Variants in ATXN2 observed in about 807,000 individuals in gnomAD.
ATXN2 encodes the protein ataxin 2.
Under a neutral mutation model 138.6 loss-of-function variants are expected in ATXN2, and 37 were observed. The ratio of observed to expected loss-of-function variants is 0.27; its 90% confidence interval spans 0.21 to 0.35. The LOEUF is 0.35. Ranked by LOEUF, ATXN2 falls within the 10% of genes least tolerant of loss-of-function variation. ATXN2 has a pLI of 1.00. For missense variants in ATXN2, 1,216 were observed against 1,480.3 expected (o/e 0.82, Z 2.93); for synonymous variants, 549 against 543.7 (o/e 1.01, Z -0.13).
At chr12:111,546,819 T>C (rs1266391206) in intron 5 of ATXN2, among the ~76,000 whole-genome samples, 1 of 152,192 alleles carries the variant, frequency 6.6e-6, no homozygotes, top group Non-Finnish European at 1.5e-5. Flanking sequence ...CTGTCTGCAC[T>C]GGAATTCAAA....
intron 3 of ATXN2, 139 bp downstream of exon 3, chr12:111,554,019 A>C: frequency 1.6e-6 from 1 of 629,318 alleles, no homozygotes; most frequent in Non-Finnish European, 2.6e-6. Flanking sequence ...AAGGAGTTCT[A>C]ATCTATTTCT....
chr12:111,462,953 T>TACACAC (rs1489574519), intron 21 of ATXN2, among the ~76,000 whole-genome samples: 5 of 140,248 alleles, frequency 3.6e-5, no homozygotes, highest in Admixed American at 3.5e-4. Context: ...AAATTATATA[T>TACACAC]ACACACATAC....
At chr12:111,545,962 G>GAAA (rs56313374) in intron 5 of ATXN2, among the ~76,000 whole-genome samples, 8 of 94,856 alleles carry the variant, frequency 8.4e-5, no homozygotes, top group East Asian at 2.5e-4. Context: ...AAGATCATCT[G>GAAA]AAAAAAAAAA....
At chr12:111,490,117 G>A (rs1353140477) in intron 14 of ATXN2, among the ~76,000 whole-genome samples, 1 of 150,318 alleles carries the variant, frequency 6.7e-6, no homozygotes, top group African/African-American at 2.5e-5. Context: ...TGACATATGA[G>A]AATTGCTTGA....
intron 7 of ATXN2, 59 bp downstream of exon 7, chr12:111,520,823 T>G: frequency 1.1e-6 from 1 of 950,786 alleles, no homozygotes; most frequent in Non-Finnish European, 1.6e-6. Context: ...CATCATAAAT[T>G]AAGCTGATGA....
At chr12:111,575,500 C>A (rs1299539539) in intron 1 of ATXN2, among the ~76,000 whole-genome samples, 3 of 152,030 alleles carry the variant, frequency 2.0e-5, no homozygotes, top group African/African-American at 7.2e-5. Flanking sequence ...TTTTCCTCTT[C>A]ATCTAAAAGA....
At chr12:111,575,752 T>G (rs1420479565) in intron 1 of ATXN2, among the ~76,000 whole-genome samples, 1 of 152,126 alleles carries the variant, frequency 6.6e-6, no homozygotes, top group African/African-American at 2.4e-5. Flanking sequence ...ATGCCATGCT[T>G]TCTACATGAC....
intron 23 of ATXN2, chr12:111,455,689 G>C: frequency 2.7e-6 from 1 of 376,642 alleles, no homozygotes; most frequent in South Asian, 2.5e-5. Flanking sequence ...GTGTGTAGGG[G>C]AATATATATG....
At chr12:111,454,911 T>C in intron 23 of ATXN2, 1 of 627,266 alleles carries the variant, frequency 1.6e-6, no homozygotes, top group Non-Finnish European at 2.9e-6. Context: ...CAAACCACGC[T>C]GGCCCACACG....
intron 11 of ATXN2, chr12:111,511,448 T>C (rs1369059006): frequency 2.6e-5 from 4 of 151,448 alleles, no homozygotes; most frequent in Admixed American, 6.6e-5. Flanking sequence ...ATTAACAGAA[T>C]AGCTGAAGCA....
chr12:111,522,207 T>G (rs1393694831), intron 6 of ATXN2, among the ~76,000 whole-genome samples: 2 of 147,492 alleles, frequency 1.4e-5, no homozygotes, highest in Non-Finnish European at 3.0e-5. Context: ...TTAAAATTAC[T>G]TAAGTAATGT....
In ATXN2 at chr12:111,598,794, C is replaced by T. The variant is rs1433124358; in HGVS notation, c.241G>A (p.Gly81Ser). Residue 81 changes from glycine to serine, a missense_variant, in exon 1 of 25, where the codon GGC becomes AGC. Physicochemically the swap from Gly to Ser is moderately conservative, Grantham distance 56. Transcript: ENST00000673436. This position sits in a 1 kb window ranked among gnomAD's most constrained non-coding sequence, Gnocchi z 4.5. ...GGTGCCGACACCCACCTGCCCAGGC[C>T]GGGCCTCCCGCCGCCGGAGGTCGCC... The part of the protein sequence containing the change: ...VAATSGGGRP[G>S]LGRGRNSNKG... The T allele has an allele frequency of 4.3e-6, 6 of 1,387,398 alleles. No individual in the cohort carries two copies. The highest frequency in any genetic ancestry group is 1.5e-5 in the African/African-American group (1 of 64,812). The allele number at this position is 1,387,398 out of a possible 1,614,324, so 85.9% of individuals were successfully genotyped here. A position where few individuals can be genotyped will look rare whatever the true frequency, so the allele number is the denominator to read the frequency against.
At chr12:111,564,794 A>G (rs1322346261) in intron 1 of ATXN2, 4 of 152,336 alleles carry the variant, frequency 2.6e-5, no homozygotes, top group East Asian at 3.9e-4. Flanking sequence ...ATTATTTTAC[A>G]TGAATCAGTA....
intron 1 of ATXN2, among the ~76,000 whole-genome samples, chr12:111,588,136 G>A (rs576257223): frequency 9.2e-5 from 14 of 151,828 alleles, no homozygotes; most frequent in Non-Finnish European, 1.8e-4. Context: ...GCAGTGAGCC[G>A]TATTTGCAAC....
At chr12:111,597,319 C>T (rs1360999512) in intron 1 of ATXN2, among the ~76,000 whole-genome samples, 1 of 152,174 alleles carries the variant, frequency 6.6e-6, no homozygotes, top group East Asian at 1.9e-4. Flanking sequence ...AAAAAGAAAA[C>T]TCGGGTGAAT....
At position 111,456,060 on chromosome 12, in the gene ATXN2, G is replaced by T; in HGVS notation, c.3239C>A (p.Thr1080Asn). ...TACGTGGGCCATGTGGGGTGGGTTG[G>T]TATACGCCGGCTGAACGTGAGAAGG... is the stretch of plus-strand genomic sequence containing the variant. The part of the protein sequence containing the change: ...IHPSHVQPAY[T>N]NPPHMAHVPQ... The change falls in exon 23 of 25, where the codon ACC becomes AAC. Residue 1080 changes from threonine to asparagine, a missense_variant. Coordinates refer to ENST00000673436, the MANE Select transcript of ATXN2 (RefSeq NM_001372574.1). 1 of 1,614,226 alleles carries T rather than the reference G, an allele frequency of 6.2e-7. No homozygotes were observed. Among genetic ancestry groups the T allele is most frequent in the Non-Finnish European group, 8.5e-7 (1 of 1,180,034 alleles).
intron 10 of ATXN2, among the ~76,000 whole-genome samples, chr12:111,514,670 T>C (rs141753020): frequency 8.4e-4 from 128 of 152,154 alleles, no homozygotes; most frequent in African/African-American, 2.9e-3. Flanking sequence ...GTATTTTTAG[T>C]AGAGACGAGG....
Position 111,598,835 on chromosome 12 carries a change from G to T in ATXN2, c.200C>A (p.Pro67His). The T allele has an allele frequency of 2.0e-6, 3 of 1,464,312 alleles. No individual in the cohort carries two copies. Among genetic ancestry groups the T allele is most frequent in the Non-Finnish European group, 2.7e-6 (3 of 1,113,878 alleles). The allele number at this position is 1,464,312 out of a possible 1,614,324, so 90.7% of individuals were successfully genotyped here. ...GGAGGTCGCCGCGACCACCGAGGAG[G>T]GAGCCGTGGCCGAGGACGAGGAGAC... is the stretch of plus-strand genomic sequence containing the variant. ...SSVSSSSATAPSSVVAATSGG... is the reference protein window; with the variant it reads ...SSVSSSSATAHSSVVAATSGG... Residue 67 changes from proline to histidine, a missense_variant, in exon 1 of 25, where the codon CCC (proline) becomes CAC (histidine). Transcript: ENST00000673436. This position sits in a 1 kb window ranked among gnomAD's most constrained non-coding sequence, Gnocchi z 4.5.
intron 1 of ATXN2, among the ~76,000 whole-genome samples, chr12:111,559,951 G>T (rs1420507467): frequency 6.6e-6 from 1 of 152,166 alleles, no homozygotes; most frequent in Non-Finnish European, 1.5e-5. Context: ...AAAGGCACTT[G>T]GTAGGAGGAG....
Sources: gnomAD v4.1 joint callset for allele counts (sites outside exome capture counted in the v4.1 genomes callset) on GRCh38, gnomAD v4.1.1 for gene constraint, Gnocchi (gnomAD v3.1) non-coding constraint, MANE v1.5 for transcripts, NCBI Gene and HGNC (gene_info 2026-07-23, HGNC 2026-07-21) for gene names.